Variants in DTNB observed in about 807,000 individuals in gnomAD.
DTNB encodes the protein dystrobrevin beta.
A neutral mutation model predicts 90.7 loss-of-function variants in DTNB; 63 were observed. The observed-to-expected ratio is 0.69, with a 90% confidence interval of 0.57 to 0.86. The LOEUF is 0.86. DTNB is among the 40% of genes least tolerant of loss of function. The probability of loss-of-function intolerance (pLI) is 0.00; values close to 1 mark genes in which losing one functional copy is unlikely to be tolerated. For missense variants in DTNB, 744 were observed against 807.1 expected (o/e 0.92, Z 0.95); for synonymous variants, 277 against 286.7 (o/e 0.97, Z 0.34).
chr2:25,587,817 C>T (rs144378057), intron 6 of DTNB, among the ~76,000 whole-genome samples: 277 of 152,186 alleles, frequency 1.8e-3, no homozygotes, highest in Middle Eastern at 6.8e-3. Flanking sequence ...ACTATAGAGA[C>T]CTGATCATAA....
chr2:25,589,042 C>T (rs150267389), intron 6 of DTNB, among the ~76,000 whole-genome samples: 136 of 152,328 alleles, frequency 8.9e-4, no homozygotes, highest in South Asian at 6.2e-3. Flanking sequence ...AAAGTCAGAA[C>T]ATCCAAAAGA....
chr2:25,562,543 C>G (rs1383055214), intron 8 of DTNB, among the ~76,000 whole-genome samples: 2 of 152,196 alleles, frequency 1.3e-5, no homozygotes, highest in Non-Finnish European at 2.9e-5. Context: ...TATATTCCCA[C>G]CAACGAAGTA....
At chr2:25,602,746 G>C (rs1044782857) in intron 5 of DTNB, among the ~76,000 whole-genome samples, 4 of 152,154 alleles carry the variant, frequency 2.6e-5, no homozygotes, top group Non-Finnish European at 4.4e-5. Context: ...CATTGTGTTA[G>C]AACCCAGAGA....
chr2:25,460,328 A>G (rs990376496), intron 10 of DTNB, among the ~76,000 whole-genome samples: 1 of 152,156 alleles, frequency 6.6e-6, no homozygotes, highest in Admixed American at 6.6e-5. Context: ...TATCCAAGCG[A>G]AGGTACTCAT....
rs773863658 is a variant in DTNB, at chr2:25,639,038, G to A, written c.124C>T (p.Arg42Ter). 10 of 1,591,794 alleles carry A rather than the reference G, an allele frequency of 6.3e-6. No homozygotes were observed. Among genetic ancestry groups the A allele is most frequent in the Non-Finnish European group, 8.6e-6 (10 of 1,166,524 alleles). Residue 42 changes from arginine (R) to a stop codon, truncating the protein, a stop_gained, in exon 3 of 21, where the codon CGA becomes TGA. Transcript: ENST00000406818. LOFTEE classifies it high-confidence loss of function. The part of the protein sequence containing the change: ...LSTYRTACKL[R>*]FVQKRCNLHL... ...CGGTTGCATCGTTTTTGTACAAATC[G>A]TAATTTGCAGGCTGTTCTGTAAGTT...
At chr2:25,563,120 T>C (rs528959510) in intron 8 of DTNB, among the ~76,000 whole-genome samples, 1 of 152,204 alleles carries the variant, frequency 6.6e-6, no homozygotes, top group African/African-American at 2.4e-5. Context: ...TTTACCACCT[T>C]AACCATTTTT....
At chr2:25,640,802 C>G (rs1017559790) in intron 2 of DTNB, among the ~76,000 whole-genome samples, 1 of 151,844 alleles carries the variant, frequency 6.6e-6, no homozygotes, top group Non-Finnish European at 1.5e-5. Flanking sequence ...GTCAGGAGAT[C>G]AAGACCATCC....
At chr2:25,497,965 C>T (rs970368605) in intron 9 of DTNB, among the ~76,000 whole-genome samples, 3 of 152,282 alleles carry the variant, frequency 2.0e-5, no homozygotes, top group Non-Finnish European at 4.4e-5. Flanking sequence ...CCGCTCTCAT[C>T]ATGTCACCAT....
chr2:25,402,384 C>G (rs560160610), intron 16 of DTNB, among the ~76,000 whole-genome samples: 1 of 152,218 alleles, frequency 6.6e-6, no homozygotes, highest in Non-Finnish European at 1.5e-5. Context: ...GCCTGGACAC[C>G]TTCCCTGCTT....
intron 8 of DTNB, among the ~76,000 whole-genome samples, chr2:25,558,833 C>A (rs559973199): frequency 6.2e-4 from 95 of 152,232 alleles, no homozygotes; most frequent in African/African-American, 1.9e-3. Context: ...TCAGGATATC[C>A]CAGACTATTC....
chr2:25,432,805 T>C, intron 14 of DTNB, 81 bp downstream of exon 14: 1 of 1,385,510 alleles, frequency 7.2e-7, no homozygotes. Context: ...CAACAGATTC[T>C]ACCCCACTCC....
intron 1 of DTNB, among the ~76,000 whole-genome samples, chr2:25,665,754 C>A (rs1269383430): frequency 6.8e-6 from 1 of 147,652 alleles, no homozygotes; most frequent in Non-Finnish European, 1.5e-5. Context: ...TTTAATACTT[C>A]TTTTCTCTTC....
At chr2:25,545,085 T>A (rs1338658775) in intron 8 of DTNB, among the ~76,000 whole-genome samples, 1 of 152,266 alleles carries the variant, frequency 6.6e-6, no homozygotes, top group Non-Finnish European at 1.5e-5. Context: ...CAGCACTCTG[T>A]ATTCTGATTA....
intron 5 of DTNB, among the ~76,000 whole-genome samples, chr2:25,602,988 G>A (rs1000544301): frequency 1.4e-4 from 21 of 152,094 alleles, no homozygotes; most frequent in African/African-American, 5.1e-4. Flanking sequence ...GTACACTTCT[G>A]ATTAATTCCT....
intron 8 of DTNB, among the ~76,000 whole-genome samples, chr2:25,539,283 G>A (rs754957004): frequency 1.3e-5 from 2 of 152,110 alleles, no homozygotes; most frequent in African/African-American, 2.4e-5. Context: ...ATAGTGTTAC[G>A]CGCATTCAAT....
chr2:25,482,775 G>A (rs767755718), intron 10 of DTNB, 21 bp downstream of exon 10: 6 of 1,612,998 alleles, frequency 3.7e-6, no homozygotes, highest in African/African-American at 2.7e-5. Flanking sequence ...CACCCAAGTC[G>A]AAGGCACAAG....
chr2:25,531,499 CT>C lies in DTNB; in HGVS notation c.974del (p.Glu325GlyfsTer9). The C allele has an allele frequency of 6.2e-7, 1 of 1,613,960 alleles. No homozygotes were observed. The highest frequency in any genetic ancestry group is 8.5e-7 in the Non-Finnish European group (1 of 1,179,880). On this transcript the variant is annotated frameshift_variant, in exon 9 of 21. Coordinates refer to ENST00000406818, the MANE Select transcript of DTNB (RefSeq NM_021907.5). LOFTEE classifies it high-confidence loss of function. The stretch of plus-strand genomic sequence containing the variant: ...CTATATGTGCAAGGTCAAGTGGTTT[CT>C]CTGGTTGCTCAGGAAAAACAGGATG... ...PPHPVFPEQP[E>X]KPLDLAHIVP...
At chr2:25,667,257 G>A (rs970643920) in intron 1 of DTNB, among the ~76,000 whole-genome samples, 1 of 152,202 alleles carries the variant, frequency 6.6e-6, no homozygotes, top group African/African-American at 2.4e-5. Context: ...GGGAGGCTGT[G>A]GCAGGCGAAT....
chr2:25,536,063 C>T (rs1299644014), intron 8 of DTNB, among the ~76,000 whole-genome samples: 1 of 148,534 alleles, frequency 6.7e-6, no homozygotes, highest in Non-Finnish European at 1.5e-5. Context: ...CACTTCCTCC[C>T]AGACGGGGCG....
Sources: gnomAD v4.1 joint callset for allele counts (sites outside exome capture counted in the v4.1 genomes callset) on GRCh38, gnomAD v4.1.1 for gene constraint, MANE v1.5 for transcripts, NCBI Gene and HGNC (gene_info 2026-07-23, HGNC 2026-07-21) for gene names.